TRAPPC9: variants seen among roughly 807,000 people sequenced by gnomAD.
The protein encoded by TRAPPC9 is trafficking protein particle complex subunit 9, also known as IKK2 binding protein.
TRAPPC9 carries 83 observed loss-of-function variants against 124.0 expected under a neutral mutation model. The ratio of observed to expected loss-of-function variants is 0.67; its 90% CI spans 0.56 to 0.80. TRAPPC9 has a LOEUF of 0.80. TRAPPC9 is among the 30% of genes least tolerant of loss of function. TRAPPC9 has a pLI of 0.00. For synonymous variants in TRAPPC9, 638 were observed against 617.5 expected, an observed-to-expected ratio of 1.03 and a Z score of -0.49; for missense variants, 1,302 against 1,508.3, an observed-to-expected ratio of 0.86 and a Z score of 2.27.
chr8:140,037,425 G>A (rs1437369260), intron 17 of TRAPPC9, among the ~76,000 whole-genome samples: 1 of 152,080 alleles, frequency 6.6e-6, no homozygotes, highest in Non-Finnish European at 1.5e-5. Context: ...GTAGAGCCAA[G>A]AATAAAGAAA....
At chr8:140,333,177 C>T (rs928168203) in intron 9 of TRAPPC9, among the ~76,000 whole-genome samples, 3 of 151,398 alleles carry the variant, frequency 2.0e-5, no homozygotes, top group African/African-American at 7.3e-5. Flanking sequence ...AGCAATTAAC[C>T]CAATTTTTAA....
At chr8:139,852,085 G>A (rs542730210) in intron 21 of TRAPPC9, among the ~76,000 whole-genome samples, 4 of 152,192 alleles carry the variant, frequency 2.6e-5, no homozygotes, top group Non-Finnish European at 5.9e-5. Context: ...TCGTGATAGT[G>A]AGTACGTCTC....
chr8:139,732,164 C>G lies in TRAPPC9; in HGVS notation c.3094G>C (p.Val1032Leu), dbSNP rs769543412. The G allele has an allele frequency of 3.1e-6, 5 of 1,601,042 alleles. No individual in the cohort carries two copies. Among genetic ancestry groups the G allele is most frequent in the Admixed American group, 1.7e-5 (1 of 59,414 alleles). Residue 1032 changes from valine to leucine, a missense_variant, in exon 22 of 23, where the codon GTG becomes CTG. Val to Leu is a conservative substitution (Grantham distance 32). Transcript: ENST00000438773. ...GGGTCGCCCACCTGGCAGGCCGCCA[C>G]AGCCTCGCGGTCACATGGCTGTCCG... ...VDGQPCDREA[V>L]AACQVGDPVR...
chr8:139,853,232 T>C (rs1269199509), intron 21 of TRAPPC9, among the ~76,000 whole-genome samples: 3 of 152,182 alleles, frequency 2.0e-5, no homozygotes, highest in African/African-American at 7.2e-5. Context: ...GCAGGAGCAA[T>C]GTGCAGGATG....
chr8:140,044,972 A>G (rs1841495952), intron 17 of TRAPPC9, among the ~76,000 whole-genome samples: 2 of 152,232 alleles, frequency 1.3e-5, no homozygotes, highest in African/African-American at 2.4e-5. Flanking sequence ...GTGAAGAGTC[A>G]ATAAGTTATT....
At chr8:139,837,639 G>A (rs1222687059) in intron 21 of TRAPPC9, among the ~76,000 whole-genome samples, 1 of 152,188 alleles carries the variant, frequency 6.6e-6, no homozygotes, top group African/African-American at 2.4e-5. Flanking sequence ...CCAGCCCAAG[G>A]CGTTTCTGAG....
chr8:140,334,853 A>C (rs1159456544), intron 9 of TRAPPC9, among the ~76,000 whole-genome samples: 1 of 152,106 alleles, frequency 6.6e-6, no homozygotes, highest in East Asian at 1.9e-4. Flanking sequence ...TTGAGAACTA[A>C]GCAAGATAAT....
intron 12 of TRAPPC9, among the ~76,000 whole-genome samples, chr8:140,288,780 C>G (rs763656299): frequency 6.6e-6 from 1 of 152,182 alleles, no homozygotes; most frequent in Non-Finnish European, 1.5e-5. Context: ...TCAAAACCGT[C>G]AACTACATTA....
intron 4 of TRAPPC9, among the ~76,000 whole-genome samples, chr8:140,428,910 C>T (rs1358580392): frequency 6.6e-6 from 1 of 152,080 alleles, no homozygotes; most frequent in African/African-American, 2.4e-5. Flanking sequence ...CAAATGCCAG[C>T]GCTGCATAAC....
intron 19 of TRAPPC9, among the ~76,000 whole-genome samples, chr8:139,987,165 G>A (rs758323536): frequency 2.6e-5 from 4 of 152,282 alleles, no homozygotes; most frequent in East Asian, 3.9e-4. Flanking sequence ...TTGTTTGTCC[G>A]TTCTCCTGTA....
chr8:139,885,540 A>G (rs917746355), intron 21 of TRAPPC9, among the ~76,000 whole-genome samples: 1 of 152,122 alleles, frequency 6.6e-6, no homozygotes, highest in Admixed American at 6.5e-5. Context: ...GACACAGTCA[A>G]TTGCCATTTC....
At chr8:140,200,494 C>T (rs1019089254) in intron 17 of TRAPPC9, among the ~76,000 whole-genome samples, 2 of 152,076 alleles carry the variant, frequency 1.3e-5, no homozygotes, top group African/African-American at 2.4e-5. Context: ...AACACGACCC[C>T]GGCCAGGCGA....
intron 17 of TRAPPC9, among the ~76,000 whole-genome samples, chr8:140,148,160 G>A (rs1038395350): frequency 6.6e-6 from 1 of 152,194 alleles, no homozygotes; most frequent in Non-Finnish European, 1.5e-5. Flanking sequence ...AAGTGTGCAG[G>A]GAGGAGGGAC....
intron 9 of TRAPPC9, among the ~76,000 whole-genome samples, chr8:140,346,985 GT>G (rs1332714334): frequency 6.6e-6 from 1 of 152,228 alleles, no homozygotes; most frequent in Non-Finnish European, 1.5e-5. Context: ...GAGGCACGGG[GT>G]AGCATCGGTT....
chr8:140,276,904 A>G (rs559164721), intron 14 of TRAPPC9, among the ~76,000 whole-genome samples: 4 of 152,222 alleles, frequency 2.6e-5, no homozygotes, highest in Admixed American at 2.6e-4. Context: ...GAGAGCCACA[A>G]TTAGTCCAGC....
chr8:140,091,664 G>A (rs1274323506), intron 17 of TRAPPC9, among the ~76,000 whole-genome samples: 1 of 152,246 alleles, frequency 6.6e-6, no homozygotes, highest in Non-Finnish European at 1.5e-5. Flanking sequence ...CTAGATAACA[G>A]CAGAGATGAA....
intron 21 of TRAPPC9, among the ~76,000 whole-genome samples, chr8:139,801,729 A>C (rs1823545568): frequency 6.6e-6 from 1 of 151,994 alleles, no homozygotes; most frequent in Non-Finnish European, 1.5e-5. Context: ...ATCCGCACGA[A>C]CTCCTCTGCG....
intron 9 of TRAPPC9, among the ~76,000 whole-genome samples, chr8:140,317,221 A>G (rs1007228510): frequency 6.6e-6 from 1 of 151,116 alleles, no homozygotes; most frequent in African/African-American, 2.4e-5. Flanking sequence ...TTCCACTCTG[A>G]TCTTTATTAT....
chr8:140,283,953 TG>T lies in TRAPPC9; in HGVS notation c.2049del (p.Ser684ValfsTer51). The T allele has an allele frequency of 1.2e-6, 2 of 1,614,188 alleles. No individual in the cohort carries two copies. The highest frequency in any genetic ancestry group is 1.7e-6 in the Non-Finnish European group (2 of 1,180,026). On this transcript the variant is annotated frameshift_variant, in exon 14 of 23. Coordinates refer to ENST00000438773, the MANE Select transcript of TRAPPC9 (RefSeq NM_001160372.4). LOFTEE classifies it high-confidence loss of function. ...GGAATGACTTCCACTGTGGAGCCAC[TG>T]GTTTTTATTCCCGGCAGGTTATCCA... ...CLLDNLPGIK[T>X]SGSTVEVIPA...
Sources: gnomAD v4.1 joint callset for allele counts (sites outside exome capture counted in the v4.1 genomes callset) on GRCh38, gnomAD v4.1.1 for gene constraint, MANE v1.5 for transcripts, NCBI Gene and HGNC (gene_info 2026-07-23, HGNC 2026-07-21) for gene names.